COL4A5: variants seen among roughly 807,000 people sequenced by gnomAD.
COL4A5 encodes collagen alpha-5(IV) chain.
In COL4A5, 26 loss-of-function variants were observed where a neutral mutation model predicts 130.2. That is an observed-to-expected ratio of 0.20 (90% CI 0.15 to 0.28). COL4A5 has a LOEUF of 0.28. Ranked by LOEUF, COL4A5 falls within the 10% of genes least tolerant of loss-of-function variation. The pLI, the probability that COL4A5 is intolerant of heterozygous loss-of-function variation, is 1.00. For synonymous variants in COL4A5, 496 were observed against 439.6 expected (o/e 1.13, Z -1.60); for missense variants, 1,131 against 1,344.3 (o/e 0.84, Z 2.48).
chrX:108,562,115 A>G (rs183822217), intron 3 of COL4A5, among the ~76,000 whole-genome samples: 3 of 111,902 alleles, frequency 2.7e-5, no homozygotes, highest in Non-Finnish European at 3.8e-5. Flanking sequence ...GCAGCAATCT[A>G]TGCATACTAT....
chrX:108,638,972 A>G (rs898727878), intron 36 of COL4A5, among the ~76,000 whole-genome samples: 15 of 111,347 alleles, frequency 1.3e-4, no homozygotes, highest in African/African-American at 4.6e-4. Flanking sequence ...TGTCCATACT[A>G]CCCAAAGCAA....
chrX:108,595,461 A>G, intron 21 of COL4A5, 48 bp from the exon 22 acceptor site: 1 of 1,089,081 alleles, frequency 9.2e-7, no homozygotes, highest in Non-Finnish European at 1.3e-6. Flanking sequence ...TATAGAAGGT[A>G]TATGTACCCC....
intron 21 of COL4A5, 117 bp from the exon 22 acceptor site, chrX:108,595,392 C>A: frequency 3.3e-6 from 2 of 610,176 alleles, no homozygotes; most frequent in Non-Finnish European, 5.5e-6. Context: ...ATAGGCTTCT[C>A]CAATCACACC....
intron 49 of COL4A5, chrX:108,689,454 C>CT (rs773531790): frequency 1.3e-6 from 1 of 751,218 alleles, no homozygotes; most frequent in African/African-American, 2.3e-5. Context: ...GTAATTATAA[C>CT]TTTTCAGAAT....
At chrX:108,521,330 T>A (rs913473800) in intron 1 of COL4A5, among the ~76,000 whole-genome samples, 1 of 110,897 alleles carries the variant, frequency 9.0e-6, no homozygotes, top group Non-Finnish European at 1.9e-5. Context: ...AAGAGAGGCA[T>A]TGTCATTGTT....
In COL4A5 at chrX:108,440,271, T is replaced by TC. The variant is rs761419877; in HGVS notation, c.81+65_81+66insC. 4.7e-6 allele frequency: 3 copies of TC among 632,963 alleles called. No individual in the cohort carries two copies. In the African/African-American group the frequency reaches 7.2e-5, roughly 15 times the overall value. The allele number at this position is 632,963 out of a possible 1,213,427, so 52.2% of individuals were successfully genotyped here. A position where few individuals can be genotyped will look rare whatever the true frequency, so the allele number is the denominator to read the frequency against. The stretch of plus-strand genomic sequence containing the variant: ...TTTCACGCTGAAATTACCTTTTTTT[T>TC]GGGGGGGGGGTCCCTTTATCTTCCT... On this transcript the variant is annotated intron_variant, in intron 1 of 52. Coordinates refer to ENST00000328300, the MANE Select transcript of COL4A5 (RefSeq NM_033380.3).
intron 36 of COL4A5, among the ~76,000 whole-genome samples, chrX:108,646,531 G>A (rs1002665213): frequency 1.1e-4 from 12 of 110,738 alleles, no homozygotes; most frequent in Non-Finnish European, 2.3e-4. Flanking sequence ...TCTGTAGGTT[G>A]CCTGTTCACT....
At chrX:108,580,439 T>C in intron 13 of COL4A5, 94 bp from the exon 14 acceptor site, 1 of 736,930 alleles carries the variant, frequency 1.4e-6, no homozygotes, top group Non-Finnish European at 2.2e-6. Context: ...TGTGGTTCAG[T>C]TTATTAAAAA....
chrX:108,608,821 A>G (rs1373533646), intron 29 of COL4A5, among the ~76,000 whole-genome samples: 2 of 111,467 alleles, frequency 1.8e-5, no homozygotes, highest in African/African-American at 6.5e-5. Context: ...CATCATCCAC[A>G]GTGGCAACTA....
At chrX:108,673,136 G>A (rs2068237664) in intron 42 of COL4A5, among the ~76,000 whole-genome samples, 1 of 111,907 alleles carries the variant, frequency 8.9e-6, no homozygotes, top group Admixed American at 9.5e-5. Flanking sequence ...TGTGTTTCCT[G>A]TAGCACCTTG....
At chrX:108,523,298 C>A (rs1232377295) in intron 1 of COL4A5, among the ~76,000 whole-genome samples, 1 of 111,929 alleles carries the variant, frequency 8.9e-6, no homozygotes, top group Admixed American at 9.5e-5. Context: ...CAAGTTTATT[C>A]ATTTGCATAT....
At chrX:108,595,115 G>A (rs971813033) in intron 21 of COL4A5, among the ~76,000 whole-genome samples, 3 of 111,442 alleles carry the variant, frequency 2.7e-5, no homozygotes, top group African/African-American at 6.5e-5. Flanking sequence ...TGCCTGCCTC[G>A]GGCTCCCAAA....
chrX:108,601,945 C>A lies in COL4A5; in HGVS notation c.2102C>A (p.Pro701Gln). The change falls in exon 27 of 53, where the codon CCA (proline) becomes CAA (glutamine). Residue 701 changes from proline (P) to glutamine (Q), a missense_variant. Physicochemically the swap from Pro to Gln is moderately conservative, Grantham distance 76. Coordinates refer to ENST00000328300, the MANE Select transcript of COL4A5 (RefSeq NM_033380.3). Reference sequence around the variant, plus strand: ...GGGATACCTGGTAGCAAAGGAGAACCAGGTATCCCTGGAATTGGGCTTCCT... The same window carrying A: ...GGGATACCTGGTAGCAAAGGAGAACAAGGTATCCCTGGAATTGGGCTTCCT... ...LPGIPGSKGE[P>Q]GIPGIGLPGP... 8.6e-7 allele frequency: 1 copy of A among 1,168,384 alleles called. No individual in the cohort carries two copies. Among genetic ancestry groups the A allele is most frequent in the Admixed American group, 2.5e-5 (1 of 40,583 alleles).
At chrX:108,521,321 A>ATC (rs2065262979) in intron 1 of COL4A5, among the ~76,000 whole-genome samples, 2 of 110,967 alleles carry the variant, frequency 1.8e-5, no homozygotes, top group South Asian at 7.7e-4. Flanking sequence ...CATCCTGAGA[A>ATC]GAGAGGCATT....
At position 108,655,467 on chromosome X, in the gene COL4A5, C is replaced by A. The variant is rs779301855; in HGVS notation, c.3373+10C>A. 1 of 1,210,797 alleles carries A rather than the reference C, an allele frequency of 8.3e-7. No homozygotes were observed. Among genetic ancestry groups the A allele is most frequent in the South Asian group, 1.8e-5 (1 of 57,002 alleles). ...CTTCCTGGATTCCCAGGTAAAATTT[C>A]TTCTCTTAAATGCTTCCTTCTTTCC... On this transcript the variant is annotated intron_variant, in intron 37 of 52. Coordinates refer to ENST00000328300, the MANE Select transcript of COL4A5 (RefSeq NM_033380.3).
At chrX:108,447,866 C>G (rs933304229) in intron 1 of COL4A5, among the ~76,000 whole-genome samples, 5 of 111,418 alleles carry the variant, frequency 4.5e-5, no homozygotes, top group Admixed American at 2.8e-4. Flanking sequence ...AATGAACCAC[C>G]CAGACACTTA....
chrX:108,682,883 A>T (rs2068463384), intron 47 of COL4A5, among the ~76,000 whole-genome samples: 1 of 111,443 alleles, frequency 9.0e-6, no homozygotes, highest in African/African-American at 3.3e-5. Flanking sequence ...TGCTGTGCAG[A>T]AGCTCCTTAG....
chrX:108,522,881 T>C (rs1191262058), intron 1 of COL4A5, among the ~76,000 whole-genome samples: 1 of 85,693 alleles, frequency 1.2e-5, no homozygotes, highest in Non-Finnish European at 2.1e-5. Flanking sequence ...AAAAAATTAC[T>C]TTTTTTTTTT....
At chrX:108,665,310 A>G in intron 37 of COL4A5, among the ~76,000 whole-genome samples, 197 bp from the exon 38 acceptor site, 1 of 112,278 alleles carries the variant, frequency 8.9e-6, no homozygotes, top group Non-Finnish European at 1.9e-5. Context: ...TTATGAATAT[A>G]TAATAATGCC....
Sources: allele counts gnomAD v4.1 joint callset (sites outside exome capture counted in the v4.1 genomes callset), GRCh38; gene constraint gnomAD v4.1.1; transcripts MANE v1.5; gene names NCBI Gene and HGNC (gene_info 2026-07-23, HGNC 2026-07-21).